Variants in NF2 observed in about 807,000 individuals in gnomAD.
The protein encoded by NF2 is NF2, moesin-ezrin-radixin like (MERLIN) tumor suppressor.
Under a neutral mutation model 83.7 loss-of-function variants are expected in NF2, and 8 were observed. The ratio of observed to expected loss-of-function variants is 0.10; its 90% CI spans 0.06 to 0.17. The LOEUF is 0.17. Ranked by LOEUF, NF2 falls within the 10% of genes least tolerant of loss-of-function variation. NF2 has a pLI of 1.00. For synonymous variants in NF2, 266 were observed against 269.6 expected (o/e 0.99, Z 0.13); for missense variants, 533 against 744.4 (o/e 0.72, Z 3.31).
At chr22:29,609,287 ATGT>A in intron 1 of NF2, 1 of 694,110 alleles carries the variant, frequency 1.4e-6, no homozygotes, top group Non-Finnish European at 2.7e-6. Flanking sequence ...GGAAGATATG[ATGT>A]TAAAGGTTCA....
Position 29,694,892 on chromosome 22 carries a change from G to T in NF2, c.*90G>T. ...ATATCAAGAGAGCCATCCATAGGGA[G>T]CTGGCTGGGGGTTTCCGTGGGAGCT... On this transcript the variant is annotated 3_prime_UTR_variant, in exon 16 of 16. Coordinates refer to ENST00000338641, the MANE Select transcript of NF2 (RefSeq NM_000268.4). The surrounding 1 kb of genome is among the most constrained non-coding windows in gnomAD (Gnocchi z 4.1). 7.2e-7 allele frequency: 1 copy of T among 1,391,546 alleles called. No individual in the cohort carries two copies. The highest frequency in any genetic ancestry group is 1.0e-6 in the Non-Finnish European group (1 of 998,634). The allele number at this position is 1,391,546 out of a possible 1,614,324, so 86.2% of individuals were successfully genotyped here.
chr22:29,607,898 C>T (rs1009499668), intron 1 of NF2, among the ~76,000 whole-genome samples: 3 of 151,904 alleles, frequency 2.0e-5, no homozygotes, highest in Admixed American at 6.6e-5. Flanking sequence ...AACAGCTGGG[C>T]GCGGTGGCTC....
Position 29,696,792 on chromosome 22 carries a change from T to G in NF2, c.*1990T>G. On this transcript the variant is annotated 3_prime_UTR_variant, in exon 16 of 16. Coordinates refer to ENST00000338641, the MANE Select transcript of NF2 (RefSeq NM_000268.4). ...TAAAGTGAGGTCTGGCTCTGCCTCC[T>G]CCGTTTTTTTTTTTTTTCTGTTTCT... 1 of 201,576 alleles carries G rather than the reference T, an allele frequency of 5.0e-6. No homozygotes were observed. Among genetic ancestry groups the G allele is most frequent in the Non-Finnish European group, 9.9e-6 (1 of 100,672 alleles). The allele number at this position is 201,576 out of a possible 1,614,324, so 12.5% of individuals were successfully genotyped here. A position where few individuals can be genotyped will look rare whatever the true frequency, so the allele number is the denominator to read the frequency against.
At chr22:29,658,077 C>T in intron 6 of NF2, 112 bp from the exon 7 acceptor site, 2 of 924,410 alleles carry the variant, frequency 2.2e-6, no homozygotes, top group South Asian at 1.4e-5. Flanking sequence ...TGTCTTCTGG[C>T]AGCGACGTGG....
intron 1 of NF2, among the ~76,000 whole-genome samples, chr22:29,627,242 AG>A (rs2065389674): frequency 6.6e-6 from 1 of 152,210 alleles, no homozygotes; most frequent in Non-Finnish European, 1.5e-5. Context: ...TTAATCCTGA[AG>A]ACCACTTGAT....
At chr22:29,644,218 A>G (rs1477876453) in intron 4 of NF2, among the ~76,000 whole-genome samples, 1 of 145,948 alleles carries the variant, frequency 6.9e-6, no homozygotes, top group African/African-American at 2.6e-5. Flanking sequence ...GCGGCCGGGC[A>G]GAGATGCTCC....
chr22:29,614,112 AAAG>A (rs2146720258), intron 1 of NF2, among the ~76,000 whole-genome samples: 1 of 151,794 alleles, frequency 6.6e-6, no homozygotes, highest in East Asian at 2.0e-4. Flanking sequence ...CATGCAAAAA[AAAG>A]AAGAAATTAA....
At chr22:29,683,989 T>C in intron 15 of NF2, 1 of 924,626 alleles carries the variant, frequency 1.1e-6, no homozygotes, top group Non-Finnish European at 1.3e-6. Context: ...GGATGTGTCC[T>C]TTGGAGTCTT....
chr22:29,608,883 C>A, intron 1 of NF2: 2 of 474,856 alleles, frequency 4.2e-6, no homozygotes, highest in South Asian at 3.0e-5. Flanking sequence ...GGTAACTTGC[C>A]CTTGGGAACC....
rs1347744596 is a variant in NF2 at position 29,639,099 on chromosome 22, C to G, written c.250C>G (p.His84Asp). 2.5e-6 allele frequency: 4 copies of G among 1,614,218 alleles called. No homozygotes were observed. Among genetic ancestry groups the G allele is most frequent in the Non-Finnish European group, 3.4e-6 (4 of 1,180,030 alleles). ...WLKMDKKVLD[H>D]DVSKEEPVTF... ...CTCTGCAATTCTGCAGGTACTGGAT[C>G]ATGATGTTTCAAAGGAAGAACCAGT... Residue 84 changes from histidine to aspartate, a missense_variant, in exon 3 of 16, where the codon CAT becomes GAT. By Grantham distance (81) the His-to-Asp change is moderately conservative (BLOSUM62 -1). Transcript: ENST00000338641.
intron 4 of NF2, among the ~76,000 whole-genome samples, chr22:29,650,828 CCT>C (rs2066128337): frequency 6.6e-6 from 1 of 152,180 alleles, no homozygotes; most frequent in Non-Finnish European, 1.5e-5. Context: ...GTCTGGAACT[CCT>C]GACCTCAGGT....
At chr22:29,622,118 T>A (rs1469744542) in intron 1 of NF2, among the ~76,000 whole-genome samples, 1 of 152,166 alleles carries the variant, frequency 6.6e-6, no homozygotes, top group Non-Finnish European at 1.5e-5. Context: ...AAAAAGAAAG[T>A]GGAAAGAAGA....
intron 15 of NF2, among the ~76,000 whole-genome samples, chr22:29,686,469 G>A (rs1430615591): frequency 1.3e-5 from 2 of 152,252 alleles, no homozygotes; most frequent in African/African-American, 2.4e-5. Flanking sequence ...GAGAAACCCC[G>A]TCTCTACCAA....
intron 15 of NF2, among the ~76,000 whole-genome samples, chr22:29,684,814 A>G (rs2067232480): frequency 1.3e-5 from 2 of 152,034 alleles, no homozygotes; most frequent in African/African-American, 4.8e-5. Context: ...TTTGCTGCAC[A>G]TGAAGTTCAG....
rs1430678211 is a variant in NF2, at chr22:29,642,188, G to T, written c.364-14G>T. The T allele has an allele frequency of 6.2e-7, 1 of 1,607,280 alleles. No homozygotes were observed. The highest frequency in any genetic ancestry group is 8.5e-7 in the Non-Finnish European group (1 of 1,173,750). ...ACTCACAGAGTATCATGTCTCCCTT[G>T]TTGCTCCTTTCAGGTAAAGAAGCAG... On this transcript the variant is annotated splice_polypyrimidine_tract_variant and intron_variant, in intron 3 of 15. Coordinates refer to ENST00000338641, the MANE Select transcript of NF2 (RefSeq NM_000268.4).
chr22:29,624,539 C>G lies in NF2; in HGVS notation c.115-12212C>G, dbSNP rs141636504. ...GTTTTGAGACATGAATGAGGTGGAC[C>G]TTTACAGGCACTTGGTTCAGGGCCT... On this transcript the variant is annotated intron_variant, in intron 1 of 15. Transcript: ENST00000338641. Among the ~76,000 whole-genome samples the G allele has an allele frequency of 2.4e-3, 358 of 152,218 alleles. 2 individuals are homozygous for G. The highest frequency in any genetic ancestry group is 8.2e-3 in the African/African-American group (340 of 41,548).
chr22:29,682,572 G>A (rs1341962779), intron 15 of NF2, among the ~76,000 whole-genome samples: 1 of 152,188 alleles, frequency 6.6e-6, no homozygotes, highest in Non-Finnish European at 1.5e-5. Context: ...TAGAAGGAAA[G>A]GCATTTCCAC....
intron 1 of NF2, among the ~76,000 whole-genome samples, chr22:29,635,283 C>G (rs1337210376): frequency 6.6e-6 from 1 of 152,152 alleles, no homozygotes; most frequent in African/African-American, 2.4e-5. Context: ...AGAGGTCTAA[C>G]TTATTTTTCC....
rs1252727024 is a variant in NF2, at chr22:29,654,649, C to T, written c.448-8C>T. The T allele has an allele frequency of 6.2e-7, 1 of 1,613,606 alleles. No homozygotes were observed. On this transcript the variant is annotated splice_region_variant and splice_polypyrimidine_tract_variant and intron_variant, in intron 4 of 15. Transcript: ENST00000338641. ...CTCAATCGCCTGCTCTCCCTTTCTT[C>T]TTTCCAGTATGGTGACTACGACCCC...
Sources: gnomAD v4.1 joint callset for allele counts (sites outside exome capture counted in the v4.1 genomes callset) on GRCh38, gnomAD v4.1.1 for gene constraint, Gnocchi (gnomAD v3.1) non-coding constraint, MANE v1.5 for transcripts, NCBI Gene and HGNC (gene_info 2026-07-23, HGNC 2026-07-21) for gene names.